CFAP53: variants seen among roughly 807,000 people sequenced by gnomAD.
CFAP53 encodes cilia and flagella associated protein 53.
CFAP53 carries 62 observed loss-of-function variants against 59.7 expected under a neutral mutation model. The observed-to-expected ratio is 1.04, with a 90% confidence interval of 0.85 to 1.28. CFAP53 has a LOEUF of 1.28. Among genes scored for constraint, CFAP53 ranks in the 50% most tolerant of loss-of-function variants. CFAP53 has a pLI of 0.00. For synonymous variants in CFAP53, 218 were observed against 205.7 expected (o/e 1.06, Z -0.51); for missense variants, 629 against 615.6 (o/e 1.02, Z -0.23).
At chr18:50,236,438 C>T (rs574989854) in intron 7 of CFAP53, among the ~76,000 whole-genome samples, 14 of 152,328 alleles carry the variant, frequency 9.2e-5, no homozygotes, top group Admixed American at 2.6e-4. Context: ...CTCCTTGAAT[C>T]AGGATGGGCC....
chr18:50,233,487 T>C (rs2033601610), intron 7 of CFAP53, among the ~76,000 whole-genome samples: 1 of 152,206 alleles, frequency 6.6e-6, no homozygotes, highest in African/African-American at 2.4e-5. Context: ...CAGATGAATT[T>C]TTTTGTATAT....
intron 3 of CFAP53, among the ~76,000 whole-genome samples, chr18:50,254,822 C>T (rs749955601): frequency 2.0e-5 from 3 of 152,166 alleles, no homozygotes; most frequent in Admixed American, 6.6e-5. Flanking sequence ...ACCCAGGAGG[C>T]AGAGGCTGCA....
At chr18:50,253,664 T>C (rs2033821686) in intron 3 of CFAP53, among the ~76,000 whole-genome samples, 1 of 152,258 alleles carries the variant, frequency 6.6e-6, no homozygotes, top group Non-Finnish European at 1.5e-5. Context: ...ATTATTTTTA[T>C]TGTCCTTGGT....
intron 4 of CFAP53, 106 bp from the exon 5 acceptor site, chr18:50,251,082 A>T: frequency 7.6e-6 from 7 of 924,240 alleles, no homozygotes; most frequent in Non-Finnish European, 1.0e-5. Context: ...AAATACACAC[A>T]CACCTGGATT....
chr18:50,238,776 C>A, intron 6 of CFAP53, 71 bp from the exon 7 acceptor site: 1 of 1,118,018 alleles, frequency 8.9e-7, no homozygotes. Context: ...TTCTGGGCAC[C>A]AGAGTCATAT....
intron 3 of CFAP53, among the ~76,000 whole-genome samples, chr18:50,256,849 T>G (rs964040452): frequency 2.2e-4 from 33 of 151,352 alleles, no homozygotes; most frequent in African/African-American, 8.0e-4. Context: ...AATGAACTCT[T>G]GTATTCCTTC....
intron 7 of CFAP53, 147 bp downstream of exon 7, chr18:50,238,456 T>C: frequency 1.8e-6 from 1 of 556,446 alleles, no homozygotes; most frequent in Non-Finnish European, 3.2e-6. Flanking sequence ...CTTGCTATAC[T>C]GCCCAGGCTA....
intron 7 of CFAP53, among the ~76,000 whole-genome samples, chr18:50,230,211 C>A (rs112524261): frequency 3.1e-4 from 47 of 152,294 alleles, no homozygotes; most frequent in African/African-American, 1.1e-3. Context: ...TTTTGTAATT[C>A]ATAGGAACAC....
chr18:50,264,618 C>A (rs1172206096), intron 1 of CFAP53, among the ~76,000 whole-genome samples: 1 of 152,210 alleles, frequency 6.6e-6, no homozygotes. Flanking sequence ...ATTCTTGCAA[C>A]ACAATTCTGC....
chr18:50,261,905 G>T, intron 2 of CFAP53, 85 bp downstream of exon 2: 1 of 1,008,056 alleles, frequency 9.9e-7, no homozygotes, highest in Non-Finnish European at 1.6e-6. Context: ...CATGATCCTT[G>T]CTAAATTTGA....
rs539521213 is a variant in CFAP53, at chr18:50,247,287, T to TA, written c.996+3470dup. 1.4e-3 allele frequency among the ~76,000 whole-genome samples: 219 copies of TA among 151,544 alleles called. 2 individuals are homozygous for TA. The highest frequency in any genetic ancestry group is 9.6e-4 in the Non-Finnish European group (65 of 67,848). On this transcript the variant is annotated intron_variant, in intron 5 of 7. Coordinates refer to ENST00000398545, the MANE Select transcript of CFAP53 (RefSeq NM_145020.5). Reference sequence around the variant, plus strand: ...TTCAGATGCATTAGGCTGGGTAAAATAAAAAAAACAGACAATAACAAGTGT... The same window carrying TA: ...TTCAGATGCATTAGGCTGGGTAAAATAAAAAAAAACAGACAATAACAAGTGT...
intron 5 of CFAP53, among the ~76,000 whole-genome samples, chr18:50,243,734 G>A (rs1045250657): frequency 2.0e-5 from 3 of 152,028 alleles, no homozygotes; most frequent in Non-Finnish European, 4.4e-5. Flanking sequence ...GGTGGATCAC[G>A]AGGTCAGGAG....
chr18:50,266,309 G>A (rs765110116), intron 1 of CFAP53, 27 bp downstream of exon 1: 54 of 1,610,606 alleles, frequency 3.4e-5, no homozygotes, highest in Non-Finnish European at 4.5e-5. Flanking sequence ...AAAGCTGTAG[G>A]GTCTGGCAGA....
At chr18:50,231,167 T>C (rs1297332605) in intron 7 of CFAP53, among the ~76,000 whole-genome samples, 2 of 152,360 alleles carry the variant, frequency 1.3e-5, no homozygotes, top group East Asian at 1.9e-4. Context: ...CTTGGTGTTA[T>C]CAAGTAGCCC....
chr18:50,253,316 G>C (rs756811762), intron 3 of CFAP53, among the ~76,000 whole-genome samples: 20 of 152,126 alleles, frequency 1.3e-4, no homozygotes, highest in Non-Finnish European at 7.4e-5. Context: ...GCGCCCAGCC[G>C]TAAGACCCAG....
chr18:50,240,642 G>C (rs756836206), intron 6 of CFAP53, among the ~76,000 whole-genome samples: 4 of 152,144 alleles, frequency 2.6e-5, no homozygotes, highest in Non-Finnish European at 5.9e-5. Flanking sequence ...ACTTTTCCTC[G>C]TGGCACTGAT....
At chr18:50,227,724 AG>A in intron 7 of CFAP53, 115 bp from the exon 8 acceptor site, 2 of 783,156 alleles carry the variant, frequency 2.6e-6, no homozygotes, top group Non-Finnish European at 2.1e-6. Context: ...CATTAAAATC[AG>A]GGTGAGTGGA....
chr18:50,234,148 A>T (rs2033608396), intron 7 of CFAP53, among the ~76,000 whole-genome samples: 1 of 152,226 alleles, frequency 6.6e-6, no homozygotes, highest in African/African-American at 2.4e-5. Context: ...AATGGAAGCT[A>T]TATGACAACA....
intron 5 of CFAP53, among the ~76,000 whole-genome samples, chr18:50,244,583 T>A (rs963435014): frequency 2.0e-5 from 3 of 152,140 alleles, no homozygotes; most frequent in Admixed American, 2.0e-4. Context: ...AATATAAGAC[T>A]GGAGCAGAAA....
Sources: gnomAD v4.1 joint callset for allele counts (sites outside exome capture counted in the v4.1 genomes callset) on GRCh38, gnomAD v4.1.1 for gene constraint, MANE v1.5 for transcripts, NCBI Gene and HGNC (gene_info 2026-07-23, HGNC 2026-07-21) for gene names.